Variants in GLRA1 observed in about 807,000 individuals in gnomAD.
GLRA1 encodes glycine receptor alpha 1, also known as glycine receptor subunit alpha-1.
Under a neutral mutation model 48.3 loss-of-function variants are expected in GLRA1, and 37 were observed. The observed-to-expected ratio is 0.77, with a 90% CI of 0.59 to 1.01. The LOEUF (loss-of-function observed/expected upper bound fraction) is 1.01, where lower values mean the gene tolerates loss of function less well. Ranked by LOEUF, GLRA1 falls within the 50% of genes least tolerant of loss-of-function variation. The pLI is 0.00. For missense variants in GLRA1, 427 were observed against 571.0 expected (o/e 0.75, Z 2.57); for synonymous variants, 196 against 210.7 (o/e 0.93, Z 0.60).
Position 151,850,704 on chromosome 5 carries a change from C to T in GLRA1, c.912+686G>A. On this transcript the variant is annotated intron_variant, in intron 7 of 8. Transcript: ENST00000274576. ...TACTTTGAAGACTGTTGCCCCTCTG[C>T]CACTGCGAACCCTTTTCGGTGACAG... The T allele has an allele frequency of 6.2e-6, 7 of 1,137,570 alleles. 1 individual carries two copies. The Middle Eastern group carries it at 8.0e-4, about 130-fold the overall frequency. The allele number at this position is 1,137,570 out of a possible 1,614,324, so 70.5% of individuals were successfully genotyped here. A position where few individuals can be genotyped will look rare whatever the true frequency, so the allele number is the denominator to read the frequency against.
chr5:151,835,113 A>G (rs1226423302), intron 7 of GLRA1, among the ~76,000 whole-genome samples: 2 of 152,108 alleles, frequency 1.3e-5, no homozygotes, highest in South Asian at 2.1e-4. Flanking sequence ...TCCCACAGAA[A>G]TACAAACTAC....
intron 2 of GLRA1, among the ~76,000 whole-genome samples, chr5:151,889,313 C>T (rs1425776645): frequency 6.6e-6 from 1 of 152,180 alleles, no homozygotes; most frequent in Non-Finnish European, 1.5e-5. Context: ...TTGGGCTGTG[C>T]CCCTAATCCT....
At chr5:151,850,342 T>G in intron 7 of GLRA1, 2 of 1,462,396 alleles carry the variant, frequency 1.4e-6, no homozygotes, top group South Asian at 1.1e-5. Context: ...GTGGGCTGTT[T>G]CATTTTGCAT....
intron 7 of GLRA1, among the ~76,000 whole-genome samples, chr5:151,844,338 A>G (rs1271275116): frequency 2.0e-5 from 3 of 150,900 alleles, no homozygotes; most frequent in Non-Finnish European, 4.4e-5. Context: ...AAATGACACC[A>G]AGGCCAGGAG....
intron 5 of GLRA1, 148 bp downstream of exon 5, chr5:151,856,153 A>G (rs1753036116): frequency 7.9e-6 from 5 of 636,290 alleles, no homozygotes; most frequent in African/African-American, 7.3e-5. Context: ...TGCATTTTCT[A>G]AAAGCAAAGT....
In GLRA1 at chr5:151,859,779, A is replaced by G. The variant is rs762986466; in HGVS notation, c.476+6T>C. 6.3e-7 allele frequency: 1 copy of G among 1,591,842 alleles called. No homozygotes were observed. Among genetic ancestry groups the G allele is most frequent in the Non-Finnish European group, 8.6e-7 (1 of 1,159,866 alleles). Reference sequence around the variant, plus strand: ...CAGGGAGTGGGTGAACCTGGTCAGAACTCACCTGATGCTGTAGAGGACATT... The same window carrying G: ...CAGGGAGTGGGTGAACCTGGTCAGAGCTCACCTGATGCTGTAGAGGACATT... On this transcript the variant is annotated splice_donor_region_variant and intron_variant, in intron 4 of 8. Coordinates refer to ENST00000274576, the MANE Select transcript of GLRA1 (RefSeq NM_000171.4).
intron 3 of GLRA1, among the ~76,000 whole-genome samples, chr5:151,861,505 G>A (rs959086543): frequency 1.3e-5 from 2 of 152,218 alleles, no homozygotes; most frequent in Admixed American, 6.5e-5. Flanking sequence ...TCATGTGTCT[G>A]TTGGCTGCAT....
intron 7 of GLRA1, among the ~76,000 whole-genome samples, chr5:151,848,277 C>CA (rs547765684): frequency 2.6e-5 from 4 of 152,340 alleles, no homozygotes; most frequent in African/African-American, 9.6e-5. Context: ...GGAATTTTGG[C>CA]ACATGCTAGG....
intron 1 of GLRA1, among the ~76,000 whole-genome samples, chr5:151,923,030 G>A (rs539597042): frequency 2.6e-5 from 4 of 152,190 alleles, no homozygotes; most frequent in Non-Finnish European, 5.9e-5. Context: ...CCCCCATAAA[G>A]TAGCCACATT....
In GLRA1 at chr5:151,855,035, C is replaced by T; in HGVS notation, c.697+5G>A. On this transcript the variant is annotated splice_donor_5th_base_variant and intron_variant, in intron 6 of 8. Transcript: ENST00000274576. ...GGATCTGAGGAGGGTGGCCCTTGTA[C>T]CTACCTGTGTTGTAGTGCTTGGTGC... is the stretch of plus-strand genomic sequence containing the variant. 1.2e-6 allele frequency: 2 copies of T among 1,614,010 alleles called. No individual in the cohort carries two copies. The highest frequency in any genetic ancestry group is 2.2e-5 in the South Asian group (2 of 91,082).
intron 2 of GLRA1, among the ~76,000 whole-genome samples, chr5:151,890,246 T>C (rs966640762): frequency 1.3e-5 from 2 of 152,114 alleles, no homozygotes; most frequent in Non-Finnish European, 2.9e-5. Context: ...ATTTATTTAT[T>C]CATTCATTTA....
At chr5:151,855,272 CAG>C (rs1454522716) in intron 5 of GLRA1, 95 bp from the exon 6 acceptor site, 4 of 1,226,654 alleles carry the variant, frequency 3.3e-6, no homozygotes, top group Non-Finnish European at 4.8e-6. Flanking sequence ...AGAGAGACAT[CAG>C]ACACTTGATG....
intron 1 of GLRA1, among the ~76,000 whole-genome samples, chr5:151,908,336 C>T (rs1754526321): frequency 6.6e-6 from 1 of 152,214 alleles, no homozygotes; most frequent in Non-Finnish European, 1.5e-5. Context: ...CTTCCTTTCT[C>T]TATCCTCTTG....
chr5:151,851,185 G>A (rs1029419234), intron 7 of GLRA1, among the ~76,000 whole-genome samples: 2 of 152,206 alleles, frequency 1.3e-5, no homozygotes, highest in South Asian at 2.1e-4. Context: ...CTGGCAACTC[G>A]TATTGAACAT....
At chr5:151,823,306 C>T (rs963380494) in intron 8 of GLRA1, among the ~76,000 whole-genome samples, 4 of 152,274 alleles carry the variant, frequency 2.6e-5, no homozygotes, top group African/African-American at 9.6e-5. Context: ...ATTTTTTCTT[C>T]TACCTGGGGG....
intron 3 of GLRA1, among the ~76,000 whole-genome samples, chr5:151,867,682 A>C (rs979109780): frequency 1.3e-5 from 2 of 152,222 alleles, no homozygotes; most frequent in Non-Finnish European, 2.9e-5. Context: ...AAGAAAGTGC[A>C]GGGAGATTAA....
rs200250500 is a variant in GLRA1 at position 151,849,163 on chromosome 5, T to TTTTCTTTC, written c.912+2219_912+2226dup. 2.0e-3 allele frequency: 226 copies of TTTTCTTTC among 111,058 alleles called. 17 individuals carry two copies. The highest frequency in any genetic ancestry group is 0.013 in the African/African-American group (201 of 15,446). The allele number at this position is 111,058 out of a possible 1,614,324, so 6.9% of individuals were successfully genotyped here. ...TTCTTTCTTTCTTTCTTTTCTTTTC[T>TTTTCTTTC]TTTCTTTCTTTCTTTCTTTCTTTCT... On this transcript the variant is annotated intron_variant, in intron 7 of 8. Coordinates refer to ENST00000274576, the MANE Select transcript of GLRA1 (RefSeq NM_000171.4).
chr5:151,835,317 G>T (rs913342985), intron 7 of GLRA1, among the ~76,000 whole-genome samples: 2 of 152,102 alleles, frequency 1.3e-5, no homozygotes, highest in African/African-American at 2.4e-5. Flanking sequence ...GGACCAGAAG[G>T]ATTCACAGCC....
chr5:151,898,068 T>G (rs1754267914), intron 1 of GLRA1, among the ~76,000 whole-genome samples: 1 of 152,160 alleles, frequency 6.6e-6, no homozygotes, highest in South Asian at 2.1e-4. Context: ...GGCAGGGTGA[T>G]ATAATGAAGT....
Sources: gnomAD v4.1 joint callset for allele counts (sites outside exome capture counted in the v4.1 genomes callset) on GRCh38, gnomAD v4.1.1 for gene constraint, MANE v1.5 for transcripts, NCBI Gene and HGNC (gene_info 2026-07-23, HGNC 2026-07-21) for gene names.